CSNK2A2IP: variants seen among roughly 807,000 people sequenced by gnomAD.
CSNK2A2IP encodes the protein casein kinase II subunit alpha'-interacting protein.
chr3:88,432,056 C>A, the CSNK2A2IP span, among the ~76,000 whole-genome samples: 2 of 151,810 alleles, frequency 1.3e-5, no homozygotes, highest in Non-Finnish European at 2.9e-5. Flanking sequence ...CTTAAAATAT[C>A]TATATTTTAT....
At chr3:88,403,496 A>G in the CSNK2A2IP span, among the ~76,000 whole-genome samples, 3 of 152,076 alleles carry the variant, frequency 2.0e-5, no homozygotes, top group African/African-American at 7.2e-5. Flanking sequence ...TTTTATTTTC[A>G]TCCTTGGTAG....
chr3:88,365,968 T>C, the CSNK2A2IP span, among the ~76,000 whole-genome samples: 5 of 152,164 alleles, frequency 3.3e-5, no homozygotes, highest in African/African-American at 9.7e-5. Flanking sequence ...AATTTTCTGA[T>C]GAGGATTGAA....
At chr3:88,362,302 G>C in the CSNK2A2IP span, among the ~76,000 whole-genome samples, 7 of 152,150 alleles carry the variant, frequency 4.6e-5, no homozygotes, top group Non-Finnish European at 1.0e-4. Flanking sequence ...CTTGCTCACT[G>C]CAGCTTTTTC....
the CSNK2A2IP span, among the ~76,000 whole-genome samples, chr3:88,369,353 A>AT: frequency 6.6e-6 from 1 of 151,844 alleles, no homozygotes; most frequent in African/African-American, 2.4e-5. Context: ...AATTCAGACT[A>AT]TTTTTCTTGC....
the CSNK2A2IP span, among the ~76,000 whole-genome samples, chr3:88,437,451 A>T: frequency 9.8e-5 from 15 of 152,346 alleles, no homozygotes; most frequent in South Asian, 2.1e-3. Context: ...ACTGAAGTTG[A>T]GCAGTAAGTA....
At chr3:88,419,844 C>T in the CSNK2A2IP span, among the ~76,000 whole-genome samples, 4 of 151,916 alleles carry the variant, frequency 2.6e-5, no homozygotes, top group African/African-American at 4.8e-5. Flanking sequence ...TATAAAAAAC[C>T]GTTTGCTTTA....
the CSNK2A2IP span, among the ~76,000 whole-genome samples, chr3:88,403,422 A>G: frequency 6.6e-6 from 1 of 152,120 alleles, no homozygotes; most frequent in Non-Finnish European, 1.5e-5. Flanking sequence ...GAAAAAGACC[A>G]GCTTGTCATT....
At chr3:88,441,074 T>A in the CSNK2A2IP span, among the ~76,000 whole-genome samples, 1 of 152,190 alleles carries the variant, frequency 6.6e-6, no homozygotes, top group East Asian at 1.9e-4. Context: ...CTAATTTAAC[T>A]AGGTGTTGCC....
At chr3:88,460,981 G>A in the CSNK2A2IP span, among the ~76,000 whole-genome samples, 11 of 151,688 alleles carry the variant, frequency 7.3e-5, no homozygotes, top group Non-Finnish European at 1.2e-4. Flanking sequence ...CAGCTGCTTG[G>A]GAGGCTGAGG....
chr3:88,354,794 C>T, the CSNK2A2IP span, among the ~76,000 whole-genome samples: 2 of 152,218 alleles, frequency 1.3e-5, no homozygotes, highest in Admixed American at 1.3e-4. Flanking sequence ...ATACTAAAGT[C>T]TTCCAAGTAA....
chr3:88,376,494 C>T, the CSNK2A2IP span, among the ~76,000 whole-genome samples: 1 of 151,716 alleles, frequency 6.6e-6, no homozygotes. Flanking sequence ...AAAAATTCCC[C>T]TCCCACTCCA....
the CSNK2A2IP span, among the ~76,000 whole-genome samples, chr3:88,455,124 C>T: frequency 6.6e-6 from 1 of 152,000 alleles, no homozygotes; most frequent in East Asian, 1.9e-4. Flanking sequence ...CACATTTTCT[C>T]TATACATTCA....
chr3:88,363,199 G>A, the CSNK2A2IP span, among the ~76,000 whole-genome samples: 1 of 152,012 alleles, frequency 6.6e-6, no homozygotes, highest in African/African-American at 2.4e-5. Flanking sequence ...TTCTTTTCTT[G>A]TTATATGTTA....
chr3:88,437,517 ATAT>A, the CSNK2A2IP span, among the ~76,000 whole-genome samples: 2 of 152,238 alleles, frequency 1.3e-5, no homozygotes, highest in Admixed American at 6.5e-5. Context: ...CTCTTCAGTC[ATAT>A]TATTGTAAAA....
chr3:88,342,046 G>A, the CSNK2A2IP span, among the ~76,000 whole-genome samples: 3 of 151,830 alleles, frequency 2.0e-5, no homozygotes, highest in Non-Finnish European at 4.4e-5. Flanking sequence ...AAGTGTTTTT[G>A]TTTGATGGTT....
the CSNK2A2IP span, among the ~76,000 whole-genome samples, chr3:88,446,158 A>T: frequency 6.9e-6 from 1 of 145,274 alleles, no homozygotes; most frequent in Non-Finnish European, 1.5e-5. Context: ...CCCAGGCTGG[A>T]GTGCAATGGC....
the CSNK2A2IP span, among the ~76,000 whole-genome samples, chr3:88,427,206 G>T: frequency 1.3e-5 from 2 of 152,150 alleles, no homozygotes; most frequent in African/African-American, 4.8e-5. Flanking sequence ...GGTGACTCTT[G>T]TTATGCTTTA....
the CSNK2A2IP span, among the ~76,000 whole-genome samples, chr3:88,354,398 C>A: frequency 6.6e-6 from 1 of 152,122 alleles, no homozygotes; most frequent in East Asian, 1.9e-4. Context: ...TTTTTTAAAT[C>A]TGTATGTGGC....
At chr3:88,456,118 T>C in the CSNK2A2IP span, among the ~76,000 whole-genome samples, 1 of 152,044 alleles carries the variant, frequency 6.6e-6, no homozygotes, top group South Asian at 2.1e-4. Context: ...TGTAATATAG[T>C]ATGAAATCAG....
Sources: allele counts gnomAD v4.1 joint callset (sites outside exome capture counted in the v4.1 genomes callset), GRCh38; gene constraint gnomAD v4.1.1; transcripts MANE v1.5; gene names NCBI Gene and HGNC (gene_info 2026-07-23, HGNC 2026-07-21).